PARD3: variants seen among roughly 807,000 people sequenced by gnomAD.
PARD3 encodes par-3 family cell polarity regulator, also known as partitioning defective 3 homolog.
PARD3 carries 75 observed loss-of-function variants against 155.4 expected under a neutral mutation model. The ratio of observed to expected loss-of-function variants is 0.48; its 90% confidence interval spans 0.40 to 0.58. PARD3 has a LOEUF of 0.58. Among genes scored for constraint, PARD3 ranks in the 20% least tolerant of loss-of-function variants. PARD3 has a pLI of 0.00. For synonymous variants in PARD3, 576 were observed against 610.5 expected (o/e 0.94, Z 0.83); for missense variants, 1,642 against 1,721.7 (o/e 0.95, Z 0.82).
At chr10:34,537,983 G>T (rs958597042) in intron 2 of PARD3, among the ~76,000 whole-genome samples, 26 of 152,152 alleles carry the variant, frequency 1.7e-4, no homozygotes, top group African/African-American at 6.3e-4. Context: ...GTACACTTAG[G>T]CAAGTGGCAA....
intron 2 of PARD3, among the ~76,000 whole-genome samples, chr10:34,619,510 A>G (rs183666731): frequency 6.6e-6 from 1 of 152,170 alleles, no homozygotes; most frequent in Non-Finnish European, 1.5e-5. Context: ...CCTGCATTTT[A>G]TTGTATAGAA....
chr10:34,258,844 C>G (rs61840228), intron 22 of PARD3, among the ~76,000 whole-genome samples: 10,401 of 152,066 alleles, frequency 0.068, 490 homozygotes, highest in Non-Finnish European at 0.097. Context: ...ATCGCTTAAC[C>G]CAGGAGTTCA....
chr10:34,369,233 T>C (rs1284334295), intron 12 of PARD3, among the ~76,000 whole-genome samples: 1 of 152,218 alleles, frequency 6.6e-6, no homozygotes, highest in East Asian at 1.9e-4. Context: ...TGGTCCAGGA[T>C]GGCTTTGAAT....
At chr10:34,727,326 G>A (rs1410491557) in intron 1 of PARD3, among the ~76,000 whole-genome samples, 3 of 152,198 alleles carry the variant, frequency 2.0e-5, no homozygotes, top group Non-Finnish European at 2.9e-5. Context: ...AGGAAGCACT[G>A]CACGTTCCCA....
intron 23 of PARD3, among the ~76,000 whole-genome samples, chr10:34,129,145 C>A (rs77106748): frequency 2.0e-5 from 3 of 152,026 alleles, no homozygotes; most frequent in African/African-American, 7.2e-5. Context: ...GACATCCAAT[C>A]ATTTATTCTT....
intron 2 of PARD3, among the ~76,000 whole-genome samples, chr10:34,609,059 T>TA (rs1170271922): frequency 2.6e-5 from 4 of 152,252 alleles, no homozygotes; most frequent in Non-Finnish European, 5.9e-5. Context: ...CCAGAACATT[T>TA]AAAAAATCTT....
At chr10:34,547,596 G>A (rs1322478236) in intron 2 of PARD3, among the ~76,000 whole-genome samples, 2 of 152,170 alleles carry the variant, frequency 1.3e-5, no homozygotes, top group African/African-American at 2.4e-5. Context: ...ATCACTGAAG[G>A]CAGGGTAGTG....
chr10:34,527,903 T>G (rs2082588124), intron 2 of PARD3, among the ~76,000 whole-genome samples: 1 of 152,226 alleles, frequency 6.6e-6, no homozygotes, highest in East Asian at 1.9e-4. Flanking sequence ...AAAGGAGAGA[T>G]AACGGTGTCC....
chr10:34,312,707 A>T (rs1203215062), intron 20 of PARD3, among the ~76,000 whole-genome samples: 2 of 152,184 alleles, frequency 1.3e-5, no homozygotes, highest in East Asian at 1.9e-4. Flanking sequence ...ATATTGCAAC[A>T]TTTCTTTTGC....
intron 20 of PARD3, among the ~76,000 whole-genome samples, chr10:34,314,010 G>A (rs1462441259): frequency 2.0e-5 from 3 of 152,104 alleles, no homozygotes; most frequent in African/African-American, 7.2e-5. Context: ...AGGCCTGCAC[G>A]GTCCTCCATA....
intron 2 of PARD3, among the ~76,000 whole-genome samples, chr10:34,648,874 C>G (rs969308876): frequency 5.9e-5 from 9 of 152,156 alleles, no homozygotes; most frequent in Admixed American, 5.2e-4. Flanking sequence ...AACCAGGAGT[C>G]CTGCTGTTCT....
At chr10:34,710,597 A>C (rs979577628) in intron 1 of PARD3, among the ~76,000 whole-genome samples, 3 of 152,094 alleles carry the variant, frequency 2.0e-5, no homozygotes, top group African/African-American at 7.2e-5. Flanking sequence ...TACTTTCTAA[A>C]AGTCAAAATC....
chr10:34,115,655 C>G (rs1946626952), intron 24 of PARD3, among the ~76,000 whole-genome samples: 1 of 151,904 alleles, frequency 6.6e-6, no homozygotes, highest in South Asian at 2.1e-4. Context: ...TAAATCATAA[C>G]ATCACTTTGT....
intron 2 of PARD3, among the ~76,000 whole-genome samples, chr10:34,595,953 C>T (rs913789291): frequency 1.1e-4 from 16 of 151,980 alleles, no homozygotes; most frequent in Non-Finnish European, 1.6e-4. Flanking sequence ...ATTGTGAGAC[C>T]CTGTCTTTAT....
At chr10:34,347,447 TC>T (rs1306110860) in intron 15 of PARD3, among the ~76,000 whole-genome samples, 1 of 150,756 alleles carries the variant, frequency 6.6e-6, no homozygotes, top group Non-Finnish European at 1.5e-5. Context: ...AACTAAAGCT[TC>T]AGAAAAGTAA....
At chr10:34,393,847 T>G (rs2132113375) in intron 7 of PARD3, among the ~76,000 whole-genome samples, 1 of 150,998 alleles carries the variant, frequency 6.6e-6, no homozygotes, top group Admixed American at 6.6e-5. Context: ...TTTTTTTTTT[T>G]TTTTTTTTGA....
intron 3 of PARD3, among the ~76,000 whole-genome samples, chr10:34,504,366 T>G (rs1212629853): frequency 6.8e-6 from 1 of 147,294 alleles, no homozygotes; most frequent in East Asian, 2.0e-4. Flanking sequence ...CAAGTGGTCC[T>G]CCCACGTCTG....
rs1025416422 is a variant in PARD3 at position 34,392,387 on chromosome 10, G to GA, written c.890+6942dup. 9.6e-4 allele frequency among the ~76,000 whole-genome samples: 146 copies of GA among 152,142 alleles called. 1 individual carries two copies. Among genetic ancestry groups the GA allele is most frequent in the African/African-American group, 3.3e-3 (139 of 41,516 alleles). ...AATATTGTATTGAAGATAAACAGAT[G>GA]AAAAAAATTATTTGGGATAAAAATC... On this transcript the variant is annotated intron_variant, in intron 7 of 24. Coordinates refer to ENST00000374788, the MANE Select transcript of PARD3 (RefSeq NM_001184785.2).
chr10:34,785,936 A>G (rs1840910838), intron 1 of PARD3, among the ~76,000 whole-genome samples: 1 of 152,222 alleles, frequency 6.6e-6, no homozygotes, highest in South Asian at 2.1e-4. Context: ...ATGTAGGACC[A>G]GTTGATGTAG....
Sources: gnomAD v4.1 joint callset for allele counts (sites outside exome capture counted in the v4.1 genomes callset) on GRCh38, gnomAD v4.1.1 for gene constraint, MANE v1.5 for transcripts, NCBI Gene and HGNC (gene_info 2026-07-23, HGNC 2026-07-21) for gene names.